RTL4: variants seen among roughly 807,000 people sequenced by gnomAD.
RTL4 encodes retrotransposon Gag-like protein 4.
Under a neutral mutation model 5.3 loss-of-function variants are expected in RTL4, and 4 were observed. The ratio of observed to expected loss-of-function variants is 0.75; its 90% confidence interval spans 0.37 to 1.72. The LOEUF is 1.72. Ranked by LOEUF, RTL4 falls within the 40% of genes most tolerant of loss-of-function variation. The probability of loss-of-function intolerance (pLI) is 0.04; values close to 1 mark genes in which losing one functional copy is unlikely to be tolerated. For synonymous variants in RTL4, 98 were observed against 87.3 expected (o/e 1.12, Z -0.68); for missense variants, 260 against 227.1 (o/e 1.14, Z -0.93).
the RTL4 span, among the ~76,000 whole-genome samples, chrX:112,424,372 G>A: frequency 9.0e-6 from 1 of 111,484 alleles, no homozygotes; most frequent in East Asian, 2.8e-4. Flanking sequence ...TCTGGACTTT[G>A]AGTTGTAGAA....
At chrX:112,262,612 C>T in the RTL4 span, among the ~76,000 whole-genome samples, 7 of 111,961 alleles carry the variant, frequency 6.3e-5, no homozygotes, top group Admixed American at 6.6e-4. Flanking sequence ...TAAACTAGTT[C>T]AACCATTGTG....
the RTL4 span, among the ~76,000 whole-genome samples, chrX:112,321,934 T>C: frequency 8.9e-6 from 1 of 112,010 alleles, no homozygotes; most frequent in Non-Finnish European, 1.9e-5. Context: ...ATTTGTACAA[T>C]AAATAAATAA....
At chrX:112,366,097 G>A in the RTL4 span, among the ~76,000 whole-genome samples, 1,661 of 111,176 alleles carry the variant, frequency 0.015, 35 homozygotes, top group African/African-American at 0.052. Flanking sequence ...TCATTTGGCC[G>A]TTAATATCAG....
At chrX:112,103,327 C>T in the RTL4 span, among the ~76,000 whole-genome samples, 1 of 102,612 alleles carries the variant, frequency 9.7e-6, no homozygotes, top group African/African-American at 4.2e-5. Flanking sequence ...GAACAGAAAA[C>T]CAAATATTGC....
the RTL4 span, among the ~76,000 whole-genome samples, chrX:112,318,863 G>A: frequency 1.8e-5 from 2 of 111,490 alleles, no homozygotes; most frequent in African/African-American, 6.5e-5. Flanking sequence ...ATTACTGACA[G>A]CCAGATTTCA....
At chrX:112,444,199 AT>A in the RTL4 span, among the ~76,000 whole-genome samples, 21,844 of 110,293 alleles carry the variant, frequency 0.2, 1,801 homozygotes, top group Middle Eastern at 0.26. Flanking sequence ...TTAAGAGACT[AT>A]TTTTTTCCCC....
the RTL4 span, among the ~76,000 whole-genome samples, chrX:112,263,481 G>C: frequency 3.6e-5 from 4 of 111,792 alleles, no homozygotes; most frequent in Non-Finnish European, 7.5e-5. Flanking sequence ...CTAACTCCCA[G>C]CTCCTGACCA....
At chrX:112,337,485 G>T in the RTL4 span, among the ~76,000 whole-genome samples, 1 of 110,843 alleles carries the variant, frequency 9.0e-6, no homozygotes, top group Non-Finnish European at 1.9e-5. Flanking sequence ...GTTTCACCAT[G>T]TTGGCCAGTC....
chrX:112,339,171 GAGAA>G, the RTL4 span, among the ~76,000 whole-genome samples: 10 of 111,999 alleles, frequency 8.9e-5, no homozygotes, highest in African/African-American at 3.2e-4. Context: ...TCTTAAAAAA[GAGAA>G]AGAGTTCTGT....
chrX:112,315,841 G>T, the RTL4 span, among the ~76,000 whole-genome samples: 1 of 111,516 alleles, frequency 9.0e-6, no homozygotes, highest in Non-Finnish European at 1.9e-5. Context: ...ACTCTCCCAG[G>T]GACAAGCACC....
the RTL4 span, among the ~76,000 whole-genome samples, chrX:112,213,031 T>C: frequency 8.9e-6 from 1 of 112,509 alleles, no homozygotes; most frequent in South Asian, 3.7e-4. Flanking sequence ...TTGTTCTCTT[T>C]AATATGTTTT....
the RTL4 span, among the ~76,000 whole-genome samples, chrX:112,399,489 C>A: frequency 1.8e-5 from 2 of 111,600 alleles, no homozygotes; most frequent in African/African-American, 3.2e-5. Context: ...GCTTTAGCTG[C>A]ATCCCTTGAA....
chrX:112,313,145 A>G, the RTL4 span, among the ~76,000 whole-genome samples: 1 of 111,639 alleles, frequency 9.0e-6, no homozygotes, highest in African/African-American at 3.3e-5. Context: ...ATGGTTGTTC[A>G]GGCTAGAAAG....
At chrX:112,171,889 A>C in the RTL4 span, among the ~76,000 whole-genome samples, 1 of 112,636 alleles carries the variant, frequency 8.9e-6, no homozygotes, top group East Asian at 2.8e-4. Context: ...GAGCTTCTGC[A>C]TGGCAAAATA....
At chrX:112,398,864 G>A in the RTL4 span, among the ~76,000 whole-genome samples, 1 of 111,865 alleles carries the variant, frequency 8.9e-6, no homozygotes, top group Non-Finnish European at 1.9e-5. Context: ...TCAGTTTTAG[G>A]GATGAGTTAT....
At chrX:112,364,667 T>C in the RTL4 span, among the ~76,000 whole-genome samples, 2 of 110,302 alleles carry the variant, frequency 1.8e-5, no homozygotes, top group Non-Finnish European at 1.9e-5. Context: ...CAGCTATAGG[T>C]CTAGAGGTTG....
the RTL4 span, among the ~76,000 whole-genome samples, chrX:112,111,029 C>T: frequency 2.4e-4 from 27 of 111,980 alleles, no homozygotes; most frequent in East Asian, 5.6e-4. Context: ...TACAGGGTCA[C>T]GGAGAAGACC....
At chrX:112,294,549 A>C in the RTL4 span, among the ~76,000 whole-genome samples, 1 of 111,676 alleles carries the variant, frequency 9.0e-6, no homozygotes, top group Non-Finnish European at 1.9e-5. Flanking sequence ...CAGTGAGCCG[A>C]GATCATGCTA....
the RTL4 span, among the ~76,000 whole-genome samples, chrX:112,246,008 C>T: frequency 8.9e-6 from 1 of 112,410 alleles, no homozygotes; most frequent in Non-Finnish European, 1.9e-5. Flanking sequence ...GACCCTGTTT[C>T]CCAGGGTATC....
Sources: gnomAD v4.1 joint callset for allele counts (sites outside exome capture counted in the v4.1 genomes callset) on GRCh38, gnomAD v4.1.1 for gene constraint, MANE v1.5 for transcripts, NCBI Gene and HGNC (gene_info 2026-07-23, HGNC 2026-07-21) for gene names.